The following NCKAP5 variants were observed in gnomAD, a reference collection of about 807,000 sequenced individuals.
The protein encoded by NCKAP5 is nck-associated protein 5.
NCKAP5 carries 92 observed loss-of-function variants against 167.0 expected under a neutral mutation model. That is an observed-to-expected ratio of 0.55 (90% CI 0.47 to 0.66). The LOEUF is 0.66. NCKAP5 is among the 30% of genes least tolerant of loss of function. The probability of loss-of-function intolerance (pLI) is 0.00; values close to 1 mark genes in which losing one functional copy is unlikely to be tolerated. For synonymous variants in NCKAP5, 891 were observed against 877.4 expected, an observed-to-expected ratio of 1.02 and a Z score of -0.27; for missense variants, 2,378 against 2,315.0, an observed-to-expected ratio of 1.03 and a Z score of -0.56.
chr2:132,771,375 C>T (rs1376566452), intron 16 of NCKAP5, among the ~76,000 whole-genome samples: 1 of 152,004 alleles, frequency 6.6e-6, no homozygotes, highest in African/African-American at 2.4e-5. Context: ...TATTTTTGTG[C>T]AGCTCTACAA....
At chr2:133,011,634 C>A (rs2078163727) in intron 6 of NCKAP5, among the ~76,000 whole-genome samples, 1 of 152,116 alleles carries the variant, frequency 6.6e-6, no homozygotes, top group Non-Finnish European at 1.5e-5. Context: ...GGACAGCAAC[C>A]CCAGACTTCA....
At chr2:132,843,784 AT>A (rs1688471910) in intron 11 of NCKAP5, among the ~76,000 whole-genome samples, 1 of 151,866 alleles carries the variant, frequency 6.6e-6, no homozygotes, top group Admixed American at 6.6e-5. Context: ...CCTATTTAGT[AT>A]TTTTACTAAT....
At chr2:132,990,819 T>C (rs927191483) in intron 7 of NCKAP5, among the ~76,000 whole-genome samples, 4 of 152,136 alleles carry the variant, frequency 2.6e-5, no homozygotes, top group Admixed American at 2.6e-4. Flanking sequence ...ACTTTTGACT[T>C]TCAGAATTAT....
the NCKAP5 span, among the ~76,000 whole-genome samples, chr2:133,621,278 G>A: frequency 6.6e-6 from 1 of 151,764 alleles, no homozygotes; most frequent in Admixed American, 6.6e-5. Context: ...GATCAGAGCA[G>A]AACTGAATGA....
chr2:133,269,393 G>C (rs1645810413), intron 4 of NCKAP5, among the ~76,000 whole-genome samples: 1 of 152,132 alleles, frequency 6.6e-6, no homozygotes, highest in Admixed American at 6.5e-5. Flanking sequence ...TTAAATACAA[G>C]AGTTCTCAGT....
At chr2:133,048,594 T>C (rs1429685391) in intron 6 of NCKAP5, among the ~76,000 whole-genome samples, 1 of 152,228 alleles carries the variant, frequency 6.6e-6, no homozygotes, top group Non-Finnish European at 1.5e-5. Flanking sequence ...TATGTCACAA[T>C]TCTCTGAACT....
chr2:133,123,630 G>C (rs761207447), intron 6 of NCKAP5: 12 of 341,916 alleles, frequency 3.5e-5, no homozygotes, highest in Non-Finnish European at 7.4e-5. Flanking sequence ...ATTGCCCTCT[G>C]TATTCATCAG....
At chr2:133,011,306 C>T (rs757116909) in intron 6 of NCKAP5, among the ~76,000 whole-genome samples, 40 of 152,276 alleles carry the variant, frequency 2.6e-4, no homozygotes, top group Middle Eastern at 3.4e-3. Context: ...ATAGTACCTA[C>T]GCTATACAGA....
Position 132,896,196 on chromosome 2 carries a change from G to A in NCKAP5, c.580-17280C>T, listed in dbSNP as rs537809954. ...AACAAAACACAGTAAACTTCTCAGC[G>A]TTCTGAACTTTCAATTGTTTTGTCA... On this transcript the variant is annotated intron_variant, in intron 8 of 19. Transcript: ENST00000409261. Among the ~76,000 whole-genome samples the A allele has an allele frequency of 1.7e-4, 26 of 152,260 alleles. No homozygotes were observed. The South Asian group carries it at 4.8e-3, about 28-fold the overall frequency.
At chr2:132,878,691 ACAC>A (rs1250482308) in intron 9 of NCKAP5, among the ~76,000 whole-genome samples, 154 bp downstream of exon 9, 1 of 151,718 alleles carries the variant, frequency 6.6e-6, no homozygotes, top group Admixed American at 6.6e-5. Flanking sequence ...CCACACACAC[ACAC>A]TTCCTTTTCA....
At chr2:133,516,527 T>C (rs549701562) in intron 3 of NCKAP5, among the ~76,000 whole-genome samples, 1 of 152,336 alleles carries the variant, frequency 6.6e-6, no homozygotes, top group South Asian at 2.1e-4. Context: ...CATCTATGAA[T>C]AATTTGTGAG....
chr2:133,262,497 C>T (rs528116110), intron 4 of NCKAP5, among the ~76,000 whole-genome samples: 66 of 152,302 alleles, frequency 4.3e-4, no homozygotes, highest in African/African-American at 1.5e-3. Context: ...ACTTTGTAGG[C>T]TATGTTCATG....
At chr2:133,334,613 C>T (rs930272946) in intron 3 of NCKAP5, among the ~76,000 whole-genome samples, 8 of 152,054 alleles carry the variant, frequency 5.3e-5, no homozygotes, top group Admixed American at 2.0e-4. Flanking sequence ...ACCATTTCTC[C>T]GTATATGCAT....
At chr2:133,667,281 A>G in the NCKAP5 span, among the ~76,000 whole-genome samples, 1 of 152,008 alleles carries the variant, frequency 6.6e-6, no homozygotes, top group African/African-American at 2.4e-5. Context: ...TAGGGCTGAT[A>G]ACATCATCCT....
chr2:133,226,337 T>C (rs1406830292), intron 4 of NCKAP5, among the ~76,000 whole-genome samples: 2 of 152,164 alleles, frequency 1.3e-5, no homozygotes, highest in African/African-American at 4.8e-5. Flanking sequence ...CTAGGCTCTA[T>C]GGAAACTACA....
chr2:132,854,879 C>T lies in NCKAP5; in HGVS notation c.807+5613G>A, dbSNP rs150728969. Among the ~76,000 whole-genome samples the T allele has an allele frequency of 4.4e-4, 67 of 152,138 alleles. 1 individual carries two copies. The highest frequency in any genetic ancestry group is 1.3e-3 in the African/African-American group (55 of 41,496). On this transcript the variant is annotated intron_variant, in intron 11 of 19. Coordinates refer to ENST00000409261, the MANE Select transcript of NCKAP5 (RefSeq NM_207363.3). Reference sequence around the variant, plus strand: ...CAGAAAAATGACATACAAAGTGGAACAGTTGAAGGAAAACCTATGTCATGC... The same window carrying T: ...CAGAAAAATGACATACAAAGTGGAATAGTTGAAGGAAAACCTATGTCATGC...
intron 6 of NCKAP5, among the ~76,000 whole-genome samples, chr2:133,051,255 T>C (rs2079596694): frequency 6.6e-6 from 1 of 152,214 alleles, no homozygotes; most frequent in African/African-American, 2.4e-5. Flanking sequence ...ACTCTTTTTC[T>C]TTAATTAAGC....
intron 3 of NCKAP5, among the ~76,000 whole-genome samples, chr2:133,458,801 C>G (rs1193524766): frequency 3.3e-5 from 5 of 152,064 alleles, no homozygotes; most frequent in Non-Finnish European, 7.4e-5. Flanking sequence ...GGAACACAGG[C>G]ACAAGCCACA....
intron 3 of NCKAP5, among the ~76,000 whole-genome samples, chr2:133,462,603 G>A (rs925147317): frequency 6.6e-6 from 1 of 152,128 alleles, no homozygotes. Context: ...ATGAGAACTA[G>A]CAACGCAAGC....
Sources: allele counts gnomAD v4.1 joint callset (sites outside exome capture counted in the v4.1 genomes callset), GRCh38; gene constraint gnomAD v4.1.1; transcripts MANE v1.5; gene names NCBI Gene and HGNC (gene_info 2026-07-23, HGNC 2026-07-21).